The following CGGBP1 variants were observed in gnomAD, a reference collection of about 807,000 sequenced individuals.
CGGBP1 encodes CGG triplet repeat binding protein 1, also known as CGG triplet repeat-binding protein 1.
A neutral mutation model predicts 11.4 loss-of-function variants in CGGBP1; 4 were observed. That is an observed-to-expected ratio of 0.35 (90% CI 0.17 to 0.80). The LOEUF (loss-of-function observed/expected upper bound fraction) is 0.80. Among genes scored for constraint, CGGBP1 ranks in the 30% least tolerant of loss-of-function variants. The probability of loss-of-function intolerance (pLI) is 0.52; values close to 1 mark genes in which losing one functional copy is unlikely to be tolerated. For missense variants in CGGBP1, 135 were observed against 202.1 expected, an observed-to-expected ratio of 0.67 and a Z score of 2.01; for synonymous variants, 76 against 74.1, an observed-to-expected ratio of 1.03 and a Z score of -0.13.
chr3:88,078,954 AT>A (rs1707948787), intron 2 of CGGBP1, among the ~76,000 whole-genome samples: 1 of 152,050 alleles, frequency 6.6e-6, no homozygotes, highest in African/African-American at 2.4e-5. Context: ...AACTTTTCAG[AT>A]TTATAGGTGA....
chr3:88,122,379 T>A (rs1434768089), intron 2 of CGGBP1, among the ~76,000 whole-genome samples: 1 of 152,190 alleles, frequency 6.6e-6, no homozygotes, highest in African/African-American at 2.4e-5. Context: ...TATGATAAAC[T>A]GCTGACGGAT....
chr3:88,068,743 C>T (rs1707339105), intron 2 of CGGBP1, among the ~76,000 whole-genome samples: 1 of 152,100 alleles, frequency 6.6e-6, no homozygotes, highest in Non-Finnish European at 1.5e-5. Flanking sequence ...ATCCACTACC[C>T]TACAAGCTAT....
intron 2 of CGGBP1, among the ~76,000 whole-genome samples, chr3:88,093,966 A>G (rs879335367): frequency 3.9e-5 from 6 of 152,174 alleles, no homozygotes; most frequent in Non-Finnish European, 7.3e-5. Context: ...TTGACGAACA[A>G]TTATTCAACA....
intron 2 of CGGBP1, among the ~76,000 whole-genome samples, chr3:88,108,713 C>T (rs1704898216): frequency 6.6e-6 from 1 of 151,998 alleles, no homozygotes. Flanking sequence ...GTTCAGGTAA[C>T]CCTTATTTTA....
chr3:88,130,007 GC>G (rs879680896), intron 2 of CGGBP1, among the ~76,000 whole-genome samples: 2 of 152,290 alleles, frequency 1.3e-5, no homozygotes, highest in Non-Finnish European at 2.9e-5. Flanking sequence ...ATGATAATGT[GC>G]CACTAAACTG....
intron 2 of CGGBP1, among the ~76,000 whole-genome samples, chr3:88,117,486 C>G (rs1262743837): frequency 6.6e-6 from 1 of 151,920 alleles, no homozygotes; most frequent in Middle Eastern, 3.2e-3. Flanking sequence ...AATAAATAGT[C>G]TAAATACTTG....
intron 2 of CGGBP1, among the ~76,000 whole-genome samples, chr3:88,087,742 T>C (rs1418242093): frequency 6.6e-6 from 1 of 152,232 alleles, no homozygotes; most frequent in Non-Finnish European, 1.5e-5. Context: ...AGTATTATTA[T>C]GTGAAACATT....
intron 2 of CGGBP1, chr3:88,095,957 G>A: frequency 2.7e-5 from 9 of 328,572 alleles, no homozygotes; most frequent in Non-Finnish European, 4.5e-5. Context: ...CTGTGTGCTT[G>A]GTTTTCTTTC....
intron 2 of CGGBP1, among the ~76,000 whole-genome samples, chr3:88,088,005 T>C (rs1305706958): frequency 6.6e-6 from 1 of 152,192 alleles, no homozygotes; most frequent in Non-Finnish European, 1.5e-5. Flanking sequence ...TCAGTAAGTA[T>C]AAATACAAAT....
intron 2 of CGGBP1, among the ~76,000 whole-genome samples, chr3:88,098,447 T>C (rs1348681670): frequency 6.6e-6 from 1 of 152,078 alleles, no homozygotes; most frequent in Non-Finnish European, 1.5e-5. Flanking sequence ...TTCCAATCAA[T>C]AGAAAAAGAG....
intron 2 of CGGBP1, among the ~76,000 whole-genome samples, chr3:88,071,555 G>C (rs1405100108): frequency 6.6e-6 from 1 of 152,222 alleles, no homozygotes; most frequent in African/African-American, 2.4e-5. Flanking sequence ...AGAATGGCGT[G>C]AACCTGGGAG....
intron 2 of CGGBP1, among the ~76,000 whole-genome samples, chr3:88,072,996 A>AT (rs1707602648): frequency 1.3e-5 from 2 of 152,344 alleles, no homozygotes; most frequent in East Asian, 3.9e-4. Context: ...TGTAGGCATG[A>AT]AGAAAGGAAA....
Position 88,140,581 on chromosome 3 carries a change from G to A in CGGBP1, c.-229+389C>T, listed in dbSNP as rs756158315. The A allele has an allele frequency of 1.6e-5, 26 of 1,613,590 alleles. No individual in the cohort carries two copies. The highest frequency in any genetic ancestry group is 1.9e-5 in the Non-Finnish European group (23 of 1,179,740). ...ATAGAGCCAAATTCTGAAAATAATT[G>A]TAGTAGTAGTGATATAGTCAATGGA... is the stretch of plus-strand genomic sequence containing the variant. On this transcript the variant is annotated intron_variant, in intron 2 of 3. Coordinates refer to the CGGBP1 transcript ENST00000462901.
upstream of CGGBP1, among the ~76,000 whole-genome samples, chr3:88,061,007 T>TAAA (rs1272107269): frequency 1.3e-5 from 2 of 152,172 alleles, no homozygotes; most frequent in African/African-American, 4.8e-5. Context: ...CTTGAAAATG[T>TAAA]ATTTTTATTT....
intron 2 of CGGBP1, among the ~76,000 whole-genome samples, chr3:88,084,262 C>T (rs1341422514): frequency 6.6e-6 from 1 of 152,134 alleles, no homozygotes; most frequent in East Asian, 1.9e-4. Context: ...AGGAGATAAA[C>T]CCAACCCATA....
chr3:88,135,735 GTACAATCC>G (rs1706739361), intron 2 of CGGBP1, among the ~76,000 whole-genome samples: 1 of 152,056 alleles, frequency 6.6e-6, no homozygotes, highest in Non-Finnish European at 1.5e-5. Flanking sequence ...TTGCAAGTGA[GTACAATCC>G]TACATGAGTC....
At chr3:88,109,672 A>G (rs2107752630) in intron 2 of CGGBP1, among the ~76,000 whole-genome samples, 1 of 152,288 alleles carries the variant, frequency 6.6e-6, no homozygotes, top group South Asian at 2.1e-4. Flanking sequence ...GCGTTATTCA[A>G]GGGGGAACTG....
chr3:88,116,254 T>TA (rs1705383678), intron 2 of CGGBP1, among the ~76,000 whole-genome samples: 5 of 151,902 alleles, frequency 3.3e-5, no homozygotes, highest in Non-Finnish European at 7.4e-5. Context: ...GGCATAGTGG[T>TA]TCACCCCTGT....
At chr3:88,141,352 C>A (rs965265498) in intron 1 of CGGBP1, among the ~76,000 whole-genome samples, 4 of 151,842 alleles carry the variant, frequency 2.6e-5, no homozygotes, top group African/African-American at 9.7e-5. Context: ...TTCACTGTAT[C>A]AAAGGTTATT....
Sources: allele counts gnomAD v4.1 joint callset (sites outside exome capture counted in the v4.1 genomes callset), GRCh38; gene constraint gnomAD v4.1.1; transcripts MANE v1.5; gene names NCBI Gene and HGNC (gene_info 2026-07-23, HGNC 2026-07-21).